NEK10: variants seen among roughly 807,000 people sequenced by gnomAD.
NEK10 encodes serine/threonine-protein kinase Nek10.
Under a neutral mutation model 159.8 loss-of-function variants are expected in NEK10, and 122 were observed. The ratio of observed to expected loss-of-function variants is 0.76; its 90% confidence interval spans 0.66 to 0.89. NEK10 has a LOEUF of 0.89. Ranked by LOEUF, NEK10 falls within the 40% of genes least tolerant of loss-of-function variation. NEK10 has a pLI of 0.00. For missense variants in NEK10, 1,342 were observed against 1,323.1 expected, an observed-to-expected ratio of 1.01 and a Z score of -0.22; for synonymous variants, 466 against 457.1, an observed-to-expected ratio of 1.02 and a Z score of -0.25.
At chr3:27,336,047 C>T (rs1344961009) in intron 5 of NEK10, among the ~76,000 whole-genome samples, 1 of 151,846 alleles carries the variant, frequency 6.6e-6, no homozygotes, top group African/African-American at 2.4e-5. Context: ...TAAAAAACAA[C>T]ACAAAGCATC....
intron 5 of NEK10, among the ~76,000 whole-genome samples, chr3:27,338,010 G>T (rs1396363389): frequency 6.6e-6 from 1 of 151,954 alleles, no homozygotes; most frequent in East Asian, 1.9e-4. Flanking sequence ...TTTGTTACAT[G>T]GGTATATATG....
rs150034279 is a variant in NEK10, at chr3:27,245,557, A to G, written c.2090+10739T>C. Among the ~76,000 whole-genome samples, 247 of 152,320 alleles carry G rather than the reference A, an allele frequency of 1.6e-3. 4 individuals are homozygous for G. The highest frequency in any genetic ancestry group is 1.8e-4 in the Non-Finnish European group (12 of 68,030). On this transcript the variant is annotated intron_variant, in intron 23 of 35. Transcript: ENST00000691995. ...TCAACACGAACTGCCTTATTAATGA[A>G]GCCATCTTGGACTGCCCAGCCAAGC...
intron 26 of NEK10, among the ~76,000 whole-genome samples, chr3:27,179,827 T>A (rs1436893991): frequency 5.9e-5 from 9 of 152,216 alleles, no homozygotes; most frequent in Non-Finnish European, 1.5e-5. Context: ...ACACCTGTAA[T>A]CCTAGCACTT....
chr3:27,225,001 A>G (rs1295994358), intron 23 of NEK10, among the ~76,000 whole-genome samples: 2 of 152,198 alleles, frequency 1.3e-5, no homozygotes, highest in East Asian at 3.9e-4. Context: ...GGACAGAGAT[A>G]ATGGAATCGA....
chr3:27,275,990 T>G (rs2149418363), intron 22 of NEK10, among the ~76,000 whole-genome samples: 1 of 152,194 alleles, frequency 6.6e-6, no homozygotes, highest in Middle Eastern at 3.4e-3. Flanking sequence ...TACATTAATA[T>G]TCAACTCCTC....
rs1237722596 is a variant in NEK10, at chr3:27,229,006, A to G, written c.2091-26449T>C. Among the ~76,000 whole-genome samples, 3 of 152,238 alleles carry G rather than the reference A, an allele frequency of 2.0e-5. No homozygotes were observed. In the East Asian group the frequency reaches 5.8e-4, roughly 29 times the overall value. On this transcript the variant is annotated intron_variant, in intron 23 of 35. Coordinates refer to ENST00000691995, the MANE Select transcript of NEK10 (RefSeq NM_001394966.1). ...CATCTACGCACCTGACCTAGCTACA[A>G]CTGGTTCCTACTCAGGGATACCCCC...
intron 22 of NEK10, among the ~76,000 whole-genome samples, chr3:27,263,088 AC>A (rs2040558493): frequency 6.6e-6 from 1 of 152,172 alleles, no homozygotes; most frequent in Non-Finnish European, 1.5e-5. Context: ...TCTACTCCAG[AC>A]CCTGTTTGCC....
At chr3:27,142,063 A>G (rs1364995177) in intron 30 of NEK10, among the ~76,000 whole-genome samples, 1 of 152,206 alleles carries the variant, frequency 6.6e-6, no homozygotes, top group Non-Finnish European at 1.5e-5. Flanking sequence ...AAATTCTTTT[A>G]GCTAGAATTA....
chr3:27,278,875 T>G, intron 22 of NEK10: 1 of 984,600 alleles, frequency 1.0e-6, no homozygotes, highest in Non-Finnish European at 1.2e-6. Flanking sequence ...GTGACAGTAT[T>G]TAGGGCAAAT....
chr3:27,180,729 G>T (rs1409047532), intron 26 of NEK10, among the ~76,000 whole-genome samples: 1 of 152,056 alleles, frequency 6.6e-6, no homozygotes, highest in Non-Finnish European at 1.5e-5. Context: ...CTGATTAATT[G>T]CCAGTAGAGA....
At chr3:27,238,293 T>C (rs1954165655) in intron 23 of NEK10, among the ~76,000 whole-genome samples, 2 of 152,188 alleles carry the variant, frequency 1.3e-5, no homozygotes, top group Admixed American at 1.3e-4. Context: ...TCAGTATTTG[T>C]GTATGTGTGT....
At chr3:27,144,386 C>A (rs1300439727) in intron 30 of NEK10, among the ~76,000 whole-genome samples, 1 of 152,204 alleles carries the variant, frequency 6.6e-6, no homozygotes, top group Non-Finnish European at 1.5e-5. Context: ...AGTGAATATA[C>A]ACCGGCATGC....
rs73153148 is a variant in NEK10, at chr3:27,109,489, C to T, written c.*1783G>A. 0.036 allele frequency among the ~76,000 whole-genome samples: 5,547 copies of T among 152,000 alleles called. 323 individuals are homozygous for T. Among genetic ancestry groups the T allele is most frequent in the African/African-American group, 0.13 (5,237 of 41,430 alleles). On this transcript the variant is annotated 3_prime_UTR_variant, in exon 36 of 36. Coordinates refer to ENST00000691995, the MANE Select transcript of NEK10 (RefSeq NM_001394966.1). ...ATCTTCAAGTAAACCATTTATCTTC[C>T]CTTACCACGGTACACCTTTTGAATA...
intron 3 of NEK10, among the ~76,000 whole-genome samples, chr3:27,347,417 A>G (rs1401632931): frequency 6.9e-6 from 1 of 144,882 alleles, no homozygotes; most frequent in Admixed American, 7.4e-5. Flanking sequence ...CAGGAGAATC[A>G]CTTGAACTCA....
At chr3:27,244,723 C>G (rs1158515196) in intron 23 of NEK10, among the ~76,000 whole-genome samples, 1 of 152,096 alleles carries the variant, frequency 6.6e-6, no homozygotes, top group African/African-American at 2.4e-5. Context: ...CTGAAGGCCT[C>G]CTGCTTGTGC....
At position 27,108,689 on chromosome 3, in the gene NEK10, G is replaced by A. The variant is rs1296654700; in HGVS notation, c.*2583C>T. Among the ~76,000 whole-genome samples, 1 of 152,124 alleles carries A rather than the reference G, an allele frequency of 6.6e-6. No individual in the cohort carries two copies. The highest frequency in any genetic ancestry group is 6.5e-5 in the Admixed American group (1 of 15,270). Reference sequence around the variant, plus strand: ...AAATGCAATCAAGAAAAGATTAAGAGGTCTATGAAGTTCATGTAACAACTC... The same window carrying A: ...AAATGCAATCAAGAAAAGATTAAGAAGTCTATGAAGTTCATGTAACAACTC... On this transcript the variant is annotated 3_prime_UTR_variant, in exon 36 of 36. Transcript: ENST00000691995.
At chr3:27,171,262 C>T (rs1385758100) in intron 29 of NEK10, among the ~76,000 whole-genome samples, 1 of 152,212 alleles carries the variant, frequency 6.6e-6, no homozygotes, top group African/African-American at 2.4e-5. Flanking sequence ...AAAAGACAGT[C>T]TCTCAAACAT....
intron 22 of NEK10, among the ~76,000 whole-genome samples, chr3:27,281,153 CAA>C (rs2042133183): frequency 6.6e-6 from 1 of 151,516 alleles, no homozygotes; most frequent in South Asian, 2.1e-4. Context: ...ATAATTATAA[CAA>C]AGAGACAAAC....
intron 22 of NEK10, among the ~76,000 whole-genome samples, chr3:27,266,451 G>A (rs553179999): frequency 1.4e-4 from 21 of 152,028 alleles, no homozygotes; most frequent in South Asian, 2.1e-4. Flanking sequence ...TCCTCTCTCC[G>A]AGCACCAGAT....
Sources: allele counts gnomAD v4.1 joint callset (sites outside exome capture counted in the v4.1 genomes callset), GRCh38; gene constraint gnomAD v4.1.1; transcripts MANE v1.5; gene names NCBI Gene and HGNC (gene_info 2026-07-23, HGNC 2026-07-21).